The following LILRB1 variants were observed in gnomAD, a reference collection of about 807,000 sequenced individuals.
The protein encoded by LILRB1 is leukocyte immunoglobulin-like receptor subfamily B member 1.
LILRB1 carries 59 observed loss-of-function variants against 74.6 expected under a neutral mutation model. The ratio of observed to expected loss-of-function variants is 0.79; its 90% CI spans 0.64 to 0.98. The LOEUF is 0.98. Among genes scored for constraint, LILRB1 ranks in the 50% least tolerant of loss-of-function variants. The pLI is 0.00. For synonymous variants in LILRB1, 328 were observed against 333.9 expected (o/e 0.98, Z 0.19); for missense variants, 804 against 822.6 (o/e 0.98, Z 0.28).
At chr19:54,628,102 T>C (rs1214005999), upstream of LILRB1, among the ~76,000 whole-genome samples, 1 of 152,106 alleles carries the variant, frequency 6.6e-6, no homozygotes, top group Admixed American at 6.5e-5. Context: ...TTTGTCCCGA[T>C]TGGCTAGTAA....
chr19:54,623,210 A>AT (rs1446453120), intron 1 of LILRB1, among the ~76,000 whole-genome samples: 3 of 152,110 alleles, frequency 2.0e-5, no homozygotes, highest in Non-Finnish European at 4.4e-5. Flanking sequence ...CATCGCCTTG[A>AT]TTTTTTGGAA....
At position 54,631,772 on chromosome 19, in the gene LILRB1, G is replaced by T; in HGVS notation, c.343G>T (p.Glu115Ter). Residue 115 changes from glutamate to a stop codon, truncating the protein, a stop_gained, in exon 4 of 15, where the codon GAG (glutamate) becomes TAG (stop). Coordinates refer to ENST00000324602, the MANE Select transcript of LILRB1 (RefSeq NM_001081637.3). LOFTEE classifies it high-confidence loss of function. ...CCGCTCAGAGAGCAGTGACCCCCTG[G>T]AGCTGGTGGTGACAGGTGAGCTGAC... The part of the protein sequence containing the change: ...AGRSESSDPL[E>*]LVVTGAYIKP... 1 of 1,614,192 alleles carries T rather than the reference G, an allele frequency of 6.2e-7. No homozygotes were observed.
At chr19:54,631,430 G>C (rs1189342039) in intron 3 of LILRB1, 70 bp from the exon 4 acceptor site, 1 of 1,604,998 alleles carries the variant, frequency 6.2e-7, no homozygotes, top group African/African-American at 1.3e-5. Flanking sequence ...GGAGGGTCCT[G>C]GGCTGAGAGC....
chr19:54,616,889 A>G (rs2063323516), upstream of LILRB1, among the ~76,000 whole-genome samples: 1 of 152,076 alleles, frequency 6.6e-6, no homozygotes, highest in East Asian at 1.9e-4. Flanking sequence ...GGGTGGATGG[A>G]CCCCATCGTG....
Position 54,633,336 on chromosome 19 carries a change from G to C in LILRB1, c.1261+18G>C, listed in dbSNP as rs759897397. On this transcript the variant is annotated intron_variant, in intron 7 of 14. Transcript: ENST00000324602. ...GGTCTCAGGTGGGGGCCTTGACCCT[G>C]TCCTCTCTGAGCTCAAAGTCTCAGC... The C allele has an allele frequency of 6.2e-7, 1 of 1,608,532 alleles. No individual in the cohort carries two copies. Among genetic ancestry groups the C allele is most frequent in the Middle Eastern group, 1.7e-4 (1 of 6,026 alleles).
intron 1 of LILRB1, among the ~76,000 whole-genome samples, chr19:54,623,070 T>A (rs1296273040): frequency 3.3e-5 from 5 of 152,160 alleles, no homozygotes; most frequent in Non-Finnish European, 7.4e-5. Context: ...TTTAATAGCA[T>A]TTTCTTGAGG....
intron 1 of LILRB1, among the ~76,000 whole-genome samples, chr19:54,621,349 C>T (rs967035590): frequency 6.6e-6 from 1 of 152,200 alleles, no homozygotes; most frequent in Admixed American, 6.5e-5. Context: ...TTGGTTCTGA[C>T]TTCTTAAAAG....
intron 1 of LILRB1, among the ~76,000 whole-genome samples, chr19:54,622,270 T>C (rs2063476976): frequency 6.6e-6 from 1 of 152,238 alleles, no homozygotes. Flanking sequence ...ATCTGTAGTA[T>C]GCTTTGGGCA....
upstream of LILRB1, among the ~76,000 whole-genome samples, chr19:54,627,437 G>A (rs1271882296): frequency 6.6e-6 from 1 of 152,106 alleles, no homozygotes. Flanking sequence ...AAGGAGAGGA[G>A]GCCCATGCTT....
At chr19:54,631,336 C>T (rs373797318) in intron 3 of LILRB1, 30 bp downstream of exon 3, 2 of 1,613,308 alleles carry the variant, frequency 1.2e-6, no homozygotes, top group Non-Finnish European at 1.7e-6. Context: ...TTCCAGGTCC[C>T]TCCTCCTCAC....
In LILRB1 at chr19:54,632,098, C is replaced by T; in HGVS notation, c.522C>T (p.Ala174=). ...HPQCLNSQPH[A]RGSSRAIFSV... ...AATGCCTGAACTCCCAGCCCCATGCCCGTGGGTCGTCCCGCGCCATCTTCT... is the reference window on the plus strand; with the variant it reads ...AATGCCTGAACTCCCAGCCCCATGCTCGTGGGTCGTCCCGCGCCATCTTCT... Residue 174 remains alanine, a synonymous_variant, in exon 5 of 15, where the codon GCC becomes GCT. Transcript: ENST00000324602. 2.5e-6 allele frequency: 4 copies of T among 1,614,252 alleles called. No homozygotes were observed. The highest frequency in any genetic ancestry group is 1.7e-6 in the Non-Finnish European group (2 of 1,180,036).
At chr19:54,636,695 C>T in intron 14 of LILRB1, 37 bp from the exon 15 acceptor site, 1 of 1,607,610 alleles carries the variant, frequency 6.2e-7, no homozygotes, top group Non-Finnish European at 8.5e-7. Context: ...CCCCCACCCC[C>T]ACCACGTTCC....
Position 54,637,971 on chromosome 19 carries a change from A to ATGTG in LILRB1, c.*1104_*1107dup, listed in dbSNP as rs1003937312. On this transcript the variant is annotated 3_prime_UTR_variant, in exon 15 of 15. Coordinates refer to ENST00000324602, the MANE Select transcript of LILRB1 (RefSeq NM_001081637.3). ...TAGATGTGTGTGTGTGTGTATATATATGTGTGTGTGTGTGAAAAACATTGA... is the reference window on the plus strand; with the variant it reads ...TAGATGTGTGTGTGTGTGTATATATATGTGTGTGTGTGTGTGTGAAAAACATTGA... Among the ~76,000 whole-genome samples the ATGTG allele has an allele frequency of 6.6e-6, 1 of 151,992 alleles. No homozygotes were observed. The highest frequency in any genetic ancestry group is 1.5e-5 in the Non-Finnish European group (1 of 67,994).
chr19:54,624,222 G>T (rs1296780114), intron 1 of LILRB1, among the ~76,000 whole-genome samples: 1 of 152,226 alleles, frequency 6.6e-6, no homozygotes, highest in Non-Finnish European at 1.5e-5. Flanking sequence ...GGCTGGAGCA[G>T]CTCCTAGTGA....
chr19:54,618,476 T>C (rs2063370848), intron 1 of LILRB1, among the ~76,000 whole-genome samples: 1 of 152,258 alleles, frequency 6.6e-6, no homozygotes, highest in South Asian at 2.1e-4. Flanking sequence ...TTTGTGCTTA[T>C]CCCTGCAGAA....
Position 54,633,232 on chromosome 19 carries a change from C to A in LILRB1, c.1175C>A (p.Ala392Glu). The stretch of plus-strand genomic sequence containing the variant: ...ATGGGTCCTGTGACCTCAGCCCATG[C>A]GGGGACCTACAGGTGCTACGGCTCA... ...FPMGPVTSAH[A>E]GTYRCYGSQS... is the part of the protein sequence containing the mutation. Residue 392 changes from alanine to glutamate, a missense_variant, in exon 7 of 15, where the codon GCG (alanine) becomes GAG (glutamate). Physicochemically the swap from Ala to Glu is moderately radical, Grantham distance 107. Transcript: ENST00000324602. 6.2e-7 allele frequency: 1 copy of A among 1,614,166 alleles called. No homozygotes were observed. The highest frequency in any genetic ancestry group is 8.5e-7 in the Non-Finnish European group (1 of 1,180,020).
Position 54,631,711 on chromosome 19 carries a change from G to A in LILRB1, c.282G>A (p.Gly94=). 1.2e-6 allele frequency: 2 copies of A among 1,614,218 alleles called. No individual in the cohort carries two copies. The highest frequency in any genetic ancestry group is 1.7e-6 in the Non-Finnish European group (2 of 1,179,978). ...PIPSITWEHT[G]RYRCYYGSDT... Reference sequence around the variant, plus strand: ...CATCCATCACCTGGGAACACACAGGGCGGTATCGCTGTTACTATGGTAGCG... The same window carrying A: ...CATCCATCACCTGGGAACACACAGGACGGTATCGCTGTTACTATGGTAGCG... Residue 94 remains glycine (G), a synonymous_variant, in exon 4 of 15, where the codon GGG becomes GGA. Coordinates refer to ENST00000324602, the MANE Select transcript of LILRB1 (RefSeq NM_001081637.3).
chr19:54,636,240 C>G lies in LILRB1; in HGVS notation c.1654-254C>G, dbSNP rs865788901. 1,214 of 672,266 alleles carry G rather than the reference C, an allele frequency of 1.8e-3. 3 individuals are homozygous for G. The highest frequency in any genetic ancestry group is 4.9e-3 in the African/African-American group (269 of 54,778). The allele number at this position is 672,266 out of a possible 1,614,324, so 41.6% of individuals were successfully genotyped here. A position where few individuals can be genotyped will look rare whatever the true frequency, so the allele number is the denominator to read the frequency against. ...GCCCCTGCAGGCAGAGGAAACAACC[C>G]TGCAAAGGCCCCCAGGCAGCAGCGA... On this transcript the variant is annotated intron_variant, in intron 13 of 14. Coordinates refer to ENST00000324602, the MANE Select transcript of LILRB1 (RefSeq NM_001081637.3).
intron 9 of LILRB1, 198 bp from the exon 10 acceptor site, chr19:54,634,443 G>A: frequency 6.6e-7 from 1 of 1,522,696 alleles, no homozygotes; most frequent in Non-Finnish European, 8.9e-7. Context: ...GCCGCTTCCT[G>A]GCTGGGGGCC....
Sources: gnomAD v4.1 joint callset for allele counts (sites outside exome capture counted in the v4.1 genomes callset) on GRCh38, gnomAD v4.1.1 for gene constraint, MANE v1.5 for transcripts, NCBI Gene and HGNC (gene_info 2026-07-23, HGNC 2026-07-21) for gene names.